The following FANK1 variants were observed in gnomAD, a reference collection of about 807,000 sequenced individuals.
FANK1 encodes fibronectin type III and ankyrin repeat domains 1.
In FANK1, 44 loss-of-function variants were observed where a neutral mutation model predicts 45.3. The ratio of observed to expected loss-of-function variants is 0.97; its 90% confidence interval spans 0.76 to 1.25. The LOEUF (loss-of-function observed/expected upper bound fraction) is 1.25. Ranked by LOEUF, FANK1 falls within the 50% of genes most tolerant of loss-of-function variation. The pLI, the probability that FANK1 is intolerant of heterozygous loss-of-function variation, is 0.00. For missense variants in FANK1, 391 were observed against 424.4 expected (o/e 0.92, Z 0.69); for synonymous variants, 149 against 152.5 (o/e 0.98, Z 0.17).
intron 2 of FANK1, among the ~76,000 whole-genome samples, chr10:125,982,390 C>T (rs1365264380): frequency 2.0e-5 from 3 of 152,240 alleles, no homozygotes; most frequent in African/African-American, 7.2e-5. Flanking sequence ...CGCACTCTCA[C>T]TCTGACGACA....
chr10:125,956,624 A>T (rs1366654310), intron 1 of FANK1, among the ~76,000 whole-genome samples: 8 of 152,212 alleles, frequency 5.3e-5, no homozygotes. Flanking sequence ...AAGTAATTTT[A>T]TAGTTAGGCA....
At chr10:125,962,907 T>C (rs1244023034) in intron 1 of FANK1, among the ~76,000 whole-genome samples, 2 of 152,142 alleles carry the variant, frequency 1.3e-5, no homozygotes, top group African/African-American at 2.4e-5. Context: ...CATTTTCCCC[T>C]ATTATTAACA....
chr10:125,995,509 T>G lies in FANK1; in HGVS notation c.398+11T>G. 2 of 1,613,624 alleles carry G rather than the reference T, an allele frequency of 1.2e-6. No homozygotes were observed. Among genetic ancestry groups the G allele is most frequent in the Non-Finnish European group, 1.7e-6 (2 of 1,179,568 alleles). Reference sequence around the variant, plus strand: ...AATACTTCAAGGAGGGTGAGAGAACTCTGTCAGTTGTTTTTTTTCCCCCAT... The same window carrying G: ...AATACTTCAAGGAGGGTGAGAGAACGCTGTCAGTTGTTTTTTTTCCCCCAT... On this transcript the variant is annotated intron_variant, in intron 4 of 10. Coordinates refer to ENST00000368693, the MANE Select transcript of FANK1 (RefSeq NM_145235.5).
chr10:125,957,203 C>G (rs1395282393), intron 1 of FANK1, among the ~76,000 whole-genome samples: 1 of 152,140 alleles, frequency 6.6e-6, no homozygotes, highest in Non-Finnish European at 1.5e-5. Context: ...AATAATACCC[C>G]ACTGCTTGAT....
intron 1 of FANK1, among the ~76,000 whole-genome samples, chr10:125,897,247 CTT>C (rs1028261766): frequency 9.2e-5 from 14 of 152,110 alleles, no homozygotes; most frequent in African/African-American, 2.9e-4. Context: ...TTTGTAATCT[CTT>C]TTTCTGTTTT....
intron 2 of FANK1, among the ~76,000 whole-genome samples, chr10:125,984,768 C>G (rs1951446137): frequency 6.6e-6 from 1 of 152,204 alleles, no homozygotes; most frequent in South Asian, 2.1e-4. Context: ...TTGCTCAGCT[C>G]TTGCATCAAA....
chr10:125,979,105 G>A (rs987054345), intron 1 of FANK1, among the ~76,000 whole-genome samples: 1 of 152,130 alleles, frequency 6.6e-6, no homozygotes, highest in African/African-American at 2.4e-5. Flanking sequence ...TTTCTGGGTC[G>A]CTCATTCGGT....
In FANK1 at chr10:126,004,784, C is replaced by G. The variant is rs533305744; in HGVS notation, c.540-100C>G. Reference sequence around the variant, plus strand: ...GAACAGTTCCCATGGCTTTTCCACTCAAGTTAGGATTTCTTGGTTTAAGCC... The same window carrying G: ...GAACAGTTCCCATGGCTTTTCCACTGAAGTTAGGATTTCTTGGTTTAAGCC... On this transcript the variant is annotated intron_variant, in intron 6 of 10. Coordinates refer to ENST00000368693, the MANE Select transcript of FANK1 (RefSeq NM_145235.5). The G allele has an allele frequency of 7.3e-5, 89 of 1,218,468 alleles. No individual in the cohort carries two copies. In the African/African-American group the frequency reaches 1.2e-3, roughly 17 times the overall value. The allele number at this position is 1,218,468 out of a possible 1,614,324, so 75.5% of individuals were successfully genotyped here.
chr10:125,919,195 ATTTTTTTTTTTTT>A (rs142716284), intron 1 of FANK1, among the ~76,000 whole-genome samples: 38 of 51,870 alleles, frequency 7.3e-4, no homozygotes, highest in African/African-American at 2.3e-3. Flanking sequence ...GGAGGTAAGA[ATTTTTTTTTTTTT>A]TTTTTTTTTT....
intron 1 of FANK1, among the ~76,000 whole-genome samples, chr10:125,904,896 C>G (rs75991412): frequency 2.1e-5 from 3 of 144,972 alleles, no homozygotes; most frequent in African/African-American, 7.5e-5. Flanking sequence ...GAGGCCGAGG[C>G]GGGCGGATCA....
chr10:125,957,657 T>TG, intron 1 of FANK1, among the ~76,000 whole-genome samples: 1 of 152,110 alleles, frequency 6.6e-6, no homozygotes, highest in East Asian at 1.9e-4. Context: ...CCCGAGAAGC[T>TG]GGGACTACAG....
intron 1 of FANK1, among the ~76,000 whole-genome samples, chr10:125,950,678 A>G (rs1217765611): frequency 6.6e-6 from 1 of 152,154 alleles, no homozygotes; most frequent in African/African-American, 2.4e-5. Context: ...TATGGAAGTC[A>G]GTGTGGCGAT....
chr10:125,976,363 G>A (rs1490735967), intron 1 of FANK1, among the ~76,000 whole-genome samples: 2 of 152,202 alleles, frequency 1.3e-5, no homozygotes, highest in Non-Finnish European at 2.9e-5. Context: ...GGTCCCTCTA[G>A]TAAGGTTAGG....
chr10:125,916,541 A>G lies in FANK1; in HGVS notation c.13+19886A>G, dbSNP rs142370750. On this transcript the variant is annotated intron_variant, in intron 1 of 10. Transcript: ENST00000368693. ...TTAAAATATACCATTTGCATTATCC[A>G]TAATAGCCAAAGGGTGGAAGCAAGC... Among the ~76,000 whole-genome samples, 841 of 152,322 alleles carry G rather than the reference A, an allele frequency of 5.5e-3. 16 individuals carry two copies. The highest frequency in any genetic ancestry group is 0.019 in the African/African-American group (810 of 41,574).
At chr10:125,990,412 T>C (rs911845141) in intron 3 of FANK1, among the ~76,000 whole-genome samples, 4 of 152,272 alleles carry the variant, frequency 2.6e-5, no homozygotes, top group East Asian at 1.9e-4. Flanking sequence ...AAGAAGATCC[T>C]TGATGGATGG....
At chr10:126,002,611 C>T (rs776414263) in intron 6 of FANK1, among the ~76,000 whole-genome samples, 2 of 152,244 alleles carry the variant, frequency 1.3e-5, no homozygotes, top group Non-Finnish European at 2.9e-5. Context: ...AGGCTTTGCA[C>T]GTTTCCCTAT....
intron 6 of FANK1, among the ~76,000 whole-genome samples, chr10:126,003,857 G>C (rs1289206016): frequency 5.9e-5 from 9 of 151,766 alleles, no homozygotes; most frequent in African/African-American, 1.7e-4. Flanking sequence ...TATATTTTTA[G>C]TAGAGATGAA....
At chr10:125,934,514 G>A (rs141232359) in intron 1 of FANK1, among the ~76,000 whole-genome samples, 40 of 152,034 alleles carry the variant, frequency 2.6e-4, no homozygotes, top group African/African-American at 8.2e-4. Flanking sequence ...CTAGTTATGG[G>A]GACTGAGCTG....
chr10:125,999,975 G>T (rs1188390073), intron 6 of FANK1, among the ~76,000 whole-genome samples: 1 of 152,150 alleles, frequency 6.6e-6, no homozygotes, highest in African/African-American at 2.4e-5. Flanking sequence ...GCTCAGTAAA[G>T]TGGACAGCTA....
Sources: allele counts gnomAD v4.1 joint callset (sites outside exome capture counted in the v4.1 genomes callset), GRCh38; gene constraint gnomAD v4.1.1; transcripts MANE v1.5; gene names NCBI Gene and HGNC (gene_info 2026-07-23, HGNC 2026-07-21).